The following DLGAP2 variants were observed in gnomAD, a reference collection of about 807,000 sequenced individuals.
DLGAP2 encodes disks large-associated protein 2.
A neutral mutation model predicts 100.3 loss-of-function variants in DLGAP2; 26 were observed. The ratio of observed to expected loss-of-function variants is 0.26; its 90% CI spans 0.19 to 0.36. The LOEUF is 0.36. Among genes scored for constraint, DLGAP2 ranks in the 10% least tolerant of loss-of-function variants. The pLI is 1.00. For missense variants in DLGAP2, 1,858 were observed against 1,453.2 expected, an observed-to-expected ratio of 1.28 and a Z score of -4.53; for synonymous variants, 886 against 630.1, an observed-to-expected ratio of 1.41 and a Z score of -6.08.
chr8:1,033,646 G>T (rs971560178), intron 2 of DLGAP2, among the ~76,000 whole-genome samples: 2 of 152,180 alleles, frequency 1.3e-5, no homozygotes, highest in African/African-American at 4.8e-5. Flanking sequence ...CAGCCTGGGT[G>T]ACAGAGGGAG....
chr8:792,779 C>A (rs944986270), intron 1 of DLGAP2, among the ~76,000 whole-genome samples: 1 of 152,088 alleles, frequency 6.6e-6, no homozygotes, highest in Admixed American at 6.5e-5. Flanking sequence ...AAATAATAAC[C>A]GTTTTAATAC....
intron 13 of DLGAP2, among the ~76,000 whole-genome samples, chr8:1,692,512 G>T (rs1326723474): frequency 6.6e-6 from 1 of 152,144 alleles, no homozygotes; most frequent in African/African-American, 2.4e-5. Flanking sequence ...AAGGGGGAGT[G>T]GAGGACAGGA....
At chr8:814,674 C>T (rs542782693) in intron 1 of DLGAP2, among the ~76,000 whole-genome samples, 2 of 150,682 alleles carry the variant, frequency 1.3e-5, no homozygotes, top group African/African-American at 4.9e-5. Flanking sequence ...GGTGAAACCC[C>T]GTCTCTACTA....
chr8:1,261,302 A>C (rs939708586), intron 3 of DLGAP2, among the ~76,000 whole-genome samples: 5 of 150,526 alleles, frequency 3.3e-5, no homozygotes, highest in African/African-American at 1.2e-4. Flanking sequence ...ATAAAATGAG[A>C]CAGACTGGGA....
At chr8:1,627,052 A>G (rs1389248807) in intron 7 of DLGAP2, among the ~76,000 whole-genome samples, 165 bp downstream of exon 7, 2 of 152,142 alleles carry the variant, frequency 1.3e-5, no homozygotes, top group Admixed American at 6.5e-5. Flanking sequence ...GGCTGATTAG[A>G]CTCGTGGACT....
At chr8:1,587,069 G>A (rs1403890388) in intron 6 of DLGAP2, among the ~76,000 whole-genome samples, 1 of 152,290 alleles carries the variant, frequency 6.6e-6, no homozygotes, top group African/African-American at 2.4e-5. Flanking sequence ...ACAGACACTG[G>A]CTTATTGCCT....
chr8:888,769 C>T (rs1797975059), intron 1 of DLGAP2, among the ~76,000 whole-genome samples: 1 of 152,074 alleles, frequency 6.6e-6, no homozygotes, highest in African/African-American at 2.4e-5. Context: ...TCTGGGACCT[C>T]TGACCTTGAG....
chr8:1,571,551 G>C (rs1207042464), intron 6 of DLGAP2, among the ~76,000 whole-genome samples: 8 of 133,366 alleles, frequency 6.0e-5, no homozygotes, highest in Non-Finnish European at 1.1e-4. Context: ...GGAGTGAACT[G>C]TGGGGTGTCT....
chr8:794,416 T>C (rs1036630749), intron 1 of DLGAP2, among the ~76,000 whole-genome samples: 6 of 152,208 alleles, frequency 3.9e-5, no homozygotes, highest in Admixed American at 3.3e-4. Flanking sequence ...TTTACCTGCA[T>C]ATTTATTAAC....
intron 2 of DLGAP2, among the ~76,000 whole-genome samples, chr8:1,110,402 G>A (rs1026250629): frequency 6.7e-6 from 1 of 148,962 alleles, no homozygotes; most frequent in African/African-American, 2.5e-5. Flanking sequence ...GGATCTGTGA[G>A]GTGTGCATGG....
rs570692275 is a variant in DLGAP2, at chr8:962,937, C to G, written c.73+54971C>G. ...ATGCTGAGGTACCGACTGCAGCAGCCCATTCCCATGGTCAGGAGGCAGGTC... is the reference window on the plus strand; with the variant it reads ...ATGCTGAGGTACCGACTGCAGCAGCGCATTCCCATGGTCAGGAGGCAGGTC... On this transcript the variant is annotated intron_variant, in intron 2 of 14. Transcript: ENST00000637795. 2.6e-5 allele frequency among the ~76,000 whole-genome samples: 4 copies of G among 152,314 alleles called. No homozygotes were observed. The East Asian group carries it at 7.7e-4, about 29-fold the overall frequency.
chr8:1,063,295 G>C (rs546314317), intron 2 of DLGAP2, among the ~76,000 whole-genome samples: 1 of 152,176 alleles, frequency 6.6e-6, no homozygotes, highest in African/African-American at 2.4e-5. Flanking sequence ...AGTGTTTTAA[G>C]TGTGATGGGA....
chr8:1,133,821 C>G (rs1472242634), intron 2 of DLGAP2, among the ~76,000 whole-genome samples: 2 of 151,518 alleles, frequency 1.3e-5, no homozygotes, highest in Non-Finnish European at 2.9e-5. Flanking sequence ...TTTATACAAT[C>G]ATAAAATCCG....
At chr8:1,534,971 GC>G (rs2130467980) in intron 4 of DLGAP2, among the ~76,000 whole-genome samples, 1 of 152,374 alleles carries the variant, frequency 6.6e-6, no homozygotes, top group East Asian at 1.9e-4. Context: ...TTCCAAGGTG[GC>G]CTTTTGACTC....
At chr8:1,287,903 GTGGTTTT>G (rs1799976660) in intron 3 of DLGAP2, among the ~76,000 whole-genome samples, 2 of 143,988 alleles carry the variant, frequency 1.4e-5, no homozygotes, top group African/African-American at 2.6e-5. Context: ...GTGTGTGTGT[GTGGTTTT>G]GTTAGGAGGG....
At chr8:908,099 A>G (rs1452796507) in intron 2 of DLGAP2, 133 bp downstream of exon 2, 8 of 392,996 alleles carry the variant, frequency 2.0e-5, no homozygotes, top group South Asian at 1.4e-4. Context: ...AAGATTGCGT[A>G]TTAACTAACT....
At chr8:1,388,153 A>C (rs61340427) in intron 3 of DLGAP2, among the ~76,000 whole-genome samples, 110 of 74,486 alleles carry the variant, frequency 1.5e-3, no homozygotes, top group East Asian at 3.4e-3. Flanking sequence ...AGGCAGAGGC[A>C]GTGGGTGGGG....
chr8:855,223 A>C (rs150891242), intron 1 of DLGAP2, among the ~76,000 whole-genome samples: 4 of 152,264 alleles, frequency 2.6e-5, no homozygotes, highest in East Asian at 3.9e-4. Flanking sequence ...GACTCCAGCT[A>C]TGTTACGCTT....
chr8:1,383,584 T>C (rs1469134671), intron 3 of DLGAP2, among the ~76,000 whole-genome samples: 5 of 152,154 alleles, frequency 3.3e-5, no homozygotes, highest in African/African-American at 1.2e-4. Flanking sequence ...TGTTGTATTT[T>C]TGGGGAGGCT....
Sources: allele counts gnomAD v4.1 joint callset (sites outside exome capture counted in the v4.1 genomes callset), GRCh38; gene constraint gnomAD v4.1.1; transcripts MANE v1.5; gene names NCBI Gene and HGNC (gene_info 2026-07-23, HGNC 2026-07-21).